Variants in EFNA5 observed in about 807,000 individuals in gnomAD.
EFNA5 encodes ephrin-A5.
In EFNA5, 5 loss-of-function variants were observed where a neutral mutation model predicts 22.9. That is an observed-to-expected ratio of 0.22 (90% CI 0.11 to 0.46). EFNA5 has a LOEUF of 0.46. Among genes scored for constraint, EFNA5 ranks in the 20% least tolerant of loss-of-function variants. The pLI, the probability that EFNA5 is intolerant of heterozygous loss-of-function variation, is 0.99. For missense variants in EFNA5, 237 were observed against 293.3 expected (o/e 0.81, Z 1.40); for synonymous variants, 113 against 112.2 (o/e 1.01, Z -0.04).
intron 1 of EFNA5, among the ~76,000 whole-genome samples, chr5:107,513,887 T>A (rs1747425437): frequency 6.6e-6 from 1 of 152,062 alleles, no homozygotes; most frequent in Non-Finnish European, 1.5e-5. Flanking sequence ...AGCTGATCTG[T>A]GTGATACAGT....
At chr5:107,464,334 G>C (rs1749916367) in intron 1 of EFNA5, among the ~76,000 whole-genome samples, 1 of 152,128 alleles carries the variant, frequency 6.6e-6, no homozygotes, top group Non-Finnish European at 1.5e-5. Flanking sequence ...GATACCTTCT[G>C]ATGAAGATGA....
rs139649095 is a variant in EFNA5 at position 107,533,717 on chromosome 5, C to T, written c.126-106208G>A. 3.9e-3 allele frequency among the ~76,000 whole-genome samples: 592 copies of T among 152,254 alleles called. 2 individuals are homozygous for T. Among genetic ancestry groups the T allele is most frequent in the African/African-American group, 0.014 (563 of 41,550 alleles). ...GTATGTTTTATGTAGTTCCCATATA[C>T]GGATTAAATTGGGCATGTGGAAAGC... On this transcript the variant is annotated intron_variant, in intron 1 of 4. Transcript: ENST00000333274.
At chr5:107,598,454 T>G (rs907412488) in intron 1 of EFNA5, among the ~76,000 whole-genome samples, 1 of 151,600 alleles carries the variant, frequency 6.6e-6, no homozygotes, top group African/African-American at 2.4e-5. Flanking sequence ...ATACTTAATA[T>G]AGAAAAATCA....
At chr5:107,547,511 T>G (rs1022571097) in intron 1 of EFNA5, among the ~76,000 whole-genome samples, 3 of 149,862 alleles carry the variant, frequency 2.0e-5, no homozygotes, top group Non-Finnish European at 4.4e-5. Flanking sequence ...AATGTTAGCG[T>G]AAGACACTGA....
At chr5:107,485,231 T>C (rs1373375735) in intron 1 of EFNA5, among the ~76,000 whole-genome samples, 2 of 152,174 alleles carry the variant, frequency 1.3e-5, no homozygotes, top group South Asian at 2.1e-4. Context: ...CTTCAACTTG[T>C]AGCAGTCCCA....
At position 107,574,790 on chromosome 5, in the gene EFNA5, G is replaced by A. The variant is rs577538583; in HGVS notation, c.125+95699C>T. On this transcript the variant is annotated intron_variant, in intron 1 of 4. Coordinates refer to ENST00000333274, the MANE Select transcript of EFNA5 (RefSeq NM_001962.3). ...GAACTAATGTTAACTTAAAGAAAAAGGCTGGTGAGATTCAATTGTGGATGT... is the reference window on the plus strand; with the variant it reads ...GAACTAATGTTAACTTAAAGAAAAAAGCTGGTGAGATTCAATTGTGGATGT... Among the ~76,000 whole-genome samples the A allele has an allele frequency of 3.3e-5, 5 of 152,308 alleles. No individual in the cohort carries two copies. In the East Asian group the frequency reaches 9.6e-4, roughly 29 times the overall value.
At chr5:107,590,339 G>A (rs995758412) in intron 1 of EFNA5, among the ~76,000 whole-genome samples, 1 of 151,854 alleles carries the variant, frequency 6.6e-6, no homozygotes, top group Non-Finnish European at 1.5e-5. Flanking sequence ...TTAAGAGACA[G>A]AATTTGTAGT....
At chr5:107,509,441 C>T (rs762173585) in intron 1 of EFNA5, among the ~76,000 whole-genome samples, 20 of 151,744 alleles carry the variant, frequency 1.3e-4, no homozygotes, top group Non-Finnish European at 2.2e-4. Flanking sequence ...CCCTCAGCCT[C>T]CCGAGTAGCT....
chr5:107,540,584 G>C (rs1748022978), intron 1 of EFNA5, among the ~76,000 whole-genome samples: 2 of 152,120 alleles, frequency 1.3e-5, no homozygotes, highest in African/African-American at 4.8e-5. Context: ...CAAAGATATA[G>C]AAAGTCAATC....
chr5:107,392,018 G>A (rs911609275), intron 2 of EFNA5, among the ~76,000 whole-genome samples: 1 of 152,126 alleles, frequency 6.6e-6, no homozygotes, highest in Non-Finnish European at 1.5e-5. Flanking sequence ...AGAAAATGAC[G>A]ATATTCAGTG....
chr5:107,562,350 C>G (rs1441565123), intron 1 of EFNA5, among the ~76,000 whole-genome samples: 1 of 152,000 alleles, frequency 6.6e-6, no homozygotes, highest in Admixed American at 6.6e-5. Context: ...TCGTCTGTCT[C>G]TCTCTCCATC....
intron 1 of EFNA5, among the ~76,000 whole-genome samples, chr5:107,562,045 G>A (rs1035241890): frequency 1.4e-4 from 22 of 152,174 alleles, no homozygotes; most frequent in African/African-American, 5.1e-4. Flanking sequence ...TGACCATGAG[G>A]AAAGAAACGG....
At chr5:107,477,575 T>C (rs927477260) in intron 1 of EFNA5, among the ~76,000 whole-genome samples, 7 of 152,168 alleles carry the variant, frequency 4.6e-5, no homozygotes, top group African/African-American at 1.7e-4. Context: ...CTTTTGGGGA[T>C]ACATGTTATA....
chr5:107,498,955 A>AGTATGTATGTATGTATGTATGTATGTAT (rs60164431), intron 1 of EFNA5, among the ~76,000 whole-genome samples: 3 of 148,576 alleles, frequency 2.0e-5, no homozygotes, highest in South Asian at 2.2e-4. Context: ...TATGTATATA[A>AGTATGTATGTATGTATGTATGTATGTAT]GTATGTATGT....
chr5:107,615,370 T>A (rs1749891494), intron 1 of EFNA5, among the ~76,000 whole-genome samples: 1 of 152,094 alleles, frequency 6.6e-6, no homozygotes, highest in African/African-American at 2.4e-5. Flanking sequence ...TGCAAGAGAA[T>A]TTCTATTTAA....
chr5:107,446,405 T>G (rs152593), intron 1 of EFNA5, among the ~76,000 whole-genome samples: 43,544 of 152,012 alleles, frequency 0.29, 6,779 homozygotes, highest in East Asian at 0.54. Flanking sequence ...TACATATCTT[T>G]AGTAGGTAGA....
intron 1 of EFNA5, among the ~76,000 whole-genome samples, chr5:107,654,045 A>C (rs1166177362): frequency 6.6e-6 from 1 of 152,158 alleles, no homozygotes. Flanking sequence ...GTATGCTATG[A>C]TAAACACTAG....
chr5:107,477,391 T>C (rs1396001930), intron 1 of EFNA5, among the ~76,000 whole-genome samples: 4 of 152,156 alleles, frequency 2.6e-5, no homozygotes, highest in Non-Finnish European at 4.4e-5. Flanking sequence ...TGTTTAAAGG[T>C]ACAAATCTAG....
At chr5:107,386,785 T>C (rs1373662637) in intron 4 of EFNA5, among the ~76,000 whole-genome samples, 1 of 152,208 alleles carries the variant, frequency 6.6e-6, no homozygotes, top group Non-Finnish European at 1.5e-5. Flanking sequence ...ACTAAGTATG[T>C]TGAATTAGTT....
Sources: gnomAD v4.1 joint callset for allele counts (sites outside exome capture counted in the v4.1 genomes callset) on GRCh38, gnomAD v4.1.1 for gene constraint, MANE v1.5 for transcripts, NCBI Gene and HGNC (gene_info 2026-07-23, HGNC 2026-07-21) for gene names.